NOTCH4: variants seen among roughly 807,000 people sequenced by gnomAD.
NOTCH4 encodes neurogenic locus notch homolog protein 4.
A neutral mutation model predicts 189.0 loss-of-function variants in NOTCH4; 138 were observed. That is an observed-to-expected ratio of 0.73 (90% CI 0.64 to 0.84). The LOEUF (loss-of-function observed/expected upper bound fraction) is 0.84, where lower values mean the gene tolerates loss of function less well. NOTCH4 is among the 40% of genes least tolerant of loss of function. The probability of loss-of-function intolerance (pLI) is 0.00; values close to 1 mark genes in which losing one functional copy is unlikely to be tolerated. For synonymous variants in NOTCH4, 942 were observed against 1,032.8 expected, an observed-to-expected ratio of 0.91 and a Z score of 1.69; for missense variants, 2,286 against 2,605.4, an observed-to-expected ratio of 0.88 and a Z score of 2.67.
Position 32,217,103 on chromosome 6 carries a change from A to G in NOTCH4, c.1739-36T>C, listed in dbSNP as rs1270475499. On this transcript the variant is annotated intron_variant, in intron 10 of 29. Transcript: ENST00000375023. The surrounding 1 kb of genome is among the most constrained non-coding windows in gnomAD (Gnocchi z 4.2). ...GCAGGAAGGTCAGGGACCTGCACGG[A>G]TGTCTGCCTCCTGCTCCCGCTGTCC... is the stretch of plus-strand genomic sequence containing the variant. 1 of 1,612,988 alleles carries G rather than the reference A, an allele frequency of 6.2e-7. No homozygotes were observed. The highest frequency in any genetic ancestry group is 8.5e-7 in the Non-Finnish European group (1 of 1,179,980).
At chr6:32,207,076 C>T (rs184082626) in intron 18 of NOTCH4, among the ~76,000 whole-genome samples, 4 of 151,596 alleles carry the variant, frequency 2.6e-5, no homozygotes, top group East Asian at 2.0e-4. Context: ...ATTACAGGTG[C>T]GCACCACCAT....
chr6:32,210,932 T>C lies in NOTCH4; in HGVS notation c.2685A>G (p.Ile895Met), dbSNP rs1390885892. The C allele has an allele frequency of 6.3e-7, 1 of 1,588,304 alleles. No individual in the cohort carries two copies. The highest frequency in any genetic ancestry group is 1.4e-5 in the African/African-American group (1 of 73,952). Residue 895 changes from isoleucine (I) to methionine (M), a missense_variant, in exon 18 of 30, where the codon ATA (isoleucine) becomes ATG (methionine). Ile to Met is a conservative substitution (Grantham distance 10). Transcript: ENST00000375023. This position sits in a 1 kb window ranked among gnomAD's most constrained non-coding sequence, Gnocchi z 4.8. ...CATTGTGGCAAAGGGAAGAGACGTC[T>C]ATGCCTGGGGAGAGAGACAAACAGG... ...SCQKAALSQG[I>M]DVSSLCHNGG... is the part of the protein sequence containing the mutation.
In NOTCH4 at chr6:32,215,236, G is replaced by A. The variant is rs1789323640; in HGVS notation, c.2011C>T (p.His671Tyr). Residue 671 changes from histidine (H) to tyrosine (Y), a missense_variant, in exon 12 of 30, where the codon CAC (histidine) becomes TAC (tyrosine). Physicochemically the swap from His to Tyr is moderately conservative, Grantham distance 83. Transcript: ENST00000375023. ...TCTGGAAGATGTTACCTCTGGCAGTGCCCGTGGTGGCAGGTGCAGTTGTCC... is the reference window on the plus strand; with the variant it reads ...TCTGGAAGATGTTACCTCTGGCAGTACCCGTGGTGGCAGGTGCAGTTGTCC... ...PEDNCTCHHG[H>Y]CQRSSCVCDV... The A allele has an allele frequency of 6.2e-7, 1 of 1,600,688 alleles. No individual in the cohort carries two copies. Among genetic ancestry groups the A allele is most frequent in the Non-Finnish European group, 8.5e-7 (1 of 1,175,016 alleles).
chr6:32,203,382 A>G lies in NOTCH4; in HGVS notation c.3231+388T>C, dbSNP rs6902694. On this transcript the variant is annotated intron_variant, in intron 20 of 29. Transcript: ENST00000375023. ...TAGAATAATAAAATAAAAGAAGACC[A>G]GGCATAAACCAATGTCAGTGTATCA... is the stretch of plus-strand genomic sequence containing the variant. 66 of 198,552 alleles carry G rather than the reference A, an allele frequency of 3.3e-4. 1 individual carries two copies. The highest frequency in any genetic ancestry group is 1.1e-3 in the African/African-American group (49 of 43,242). 12.3% of individuals were successfully genotyped at this position (198,552 alleles called of 1,614,324 possible).
At chr6:32,203,634 C>G (rs1788490135) in intron 20 of NOTCH4, 136 bp downstream of exon 20, 6 of 651,918 alleles carry the variant, frequency 9.2e-6, no homozygotes, top group Admixed American at 3.4e-5. Context: ...ACACTTCCCA[C>G]TGTGAGCTTG....
intron 1 of NOTCH4, 141 bp downstream of exon 1, chr6:32,223,715 A>T (rs1789942949): frequency 2.3e-6 from 2 of 865,736 alleles, no homozygotes; most frequent in South Asian, 1.8e-5. Context: ...CTTTCCCTGG[A>T]GGCCGTCTCT....
chr6:32,213,300 G>A, intron 14 of NOTCH4, 48 bp from the exon 15 acceptor site: 1 of 1,316,816 alleles, frequency 7.6e-7, no homozygotes, highest in Non-Finnish European at 1.1e-6. Flanking sequence ...CTGTAACCTG[G>A]CCTGTGACCT....
Position 32,201,009 on chromosome 6 carries a change from G to A in NOTCH4, c.4140-3C>T. The stretch of plus-strand genomic sequence containing the variant: ...CCACACCCATGACCACCACAAACCT[G>A]TAGAGGAGGCACCTCAGAGACCTCT... On this transcript the variant is annotated splice_polypyrimidine_tract_variant and splice_region_variant and intron_variant, in intron 22 of 29. Coordinates refer to ENST00000375023, the MANE Select transcript of NOTCH4 (RefSeq NM_004557.4). This position sits in a 1 kb window ranked among gnomAD's most constrained non-coding sequence, Gnocchi z 5.5. The A allele has an allele frequency of 1.3e-6, 2 of 1,558,508 alleles. No individual in the cohort carries two copies. Among genetic ancestry groups the A allele is most frequent in the Middle Eastern group, 1.7e-4 (1 of 5,776 alleles).
At chr6:32,209,102 A>C (rs1788862003) in intron 18 of NOTCH4, among the ~76,000 whole-genome samples, 1 of 152,274 alleles carries the variant, frequency 6.6e-6, no homozygotes, top group Non-Finnish European at 1.5e-5. Context: ...ATTTTCAGCA[A>C]CATGGATGAA....
Position 32,215,355 on chromosome 6 carries a change from G to A in NOTCH4, c.1892C>T (p.Pro631Leu). 1.2e-6 allele frequency: 2 copies of A among 1,610,980 alleles called. No individual in the cohort carries two copies. The highest frequency in any genetic ancestry group is 1.7e-6 in the Non-Finnish European group (2 of 1,179,346). Residue 631 changes from proline to leucine, a missense_variant, in exon 12 of 30, where the codon CCC (proline) becomes CTC (leucine). Coordinates refer to ENST00000375023, the MANE Select transcript of NOTCH4 (RefSeq NM_004557.4). ...GQLCEVPLCA[P>L]NLCQPKQICK... ...TATCTGCTTGGGCTGGCACAGGTTG[G>A]GAGCACACAGGGGAACCTCACAGAG...
Position 32,212,194 on chromosome 6 carries a change from C to T in NOTCH4, c.2680+280G>A, listed in dbSNP as rs562278168. Among the ~76,000 whole-genome samples, 27 of 152,246 alleles carry T rather than the reference C, an allele frequency of 1.8e-4. No homozygotes were observed. Among genetic ancestry groups the T allele is most frequent in the African/African-American group, 5.1e-4 (21 of 41,526 alleles). ...ATCAGGACAGAGTTGAGTTGCTCCA[C>T]GTTGAGTCATGTCCCTCATGGTTGG... On this transcript the variant is annotated intron_variant, in intron 17 of 29. Transcript: ENST00000375023. The surrounding 1 kb of genome is among the most constrained non-coding windows in gnomAD (Gnocchi z 4.4).
At position 32,218,032 on chromosome 6, in the gene NOTCH4, A is replaced by C; in HGVS notation, c.1587T>G (p.His529Gln). 2 of 1,614,072 alleles carry C rather than the reference A, an allele frequency of 1.2e-6. No individual in the cohort carries two copies. Among genetic ancestry groups the C allele is most frequent in the Non-Finnish European group, 1.7e-6 (2 of 1,179,970 alleles). The change falls in exon 9 of 30, where the codon CAT becomes CAG. Residue 529 changes from histidine to glutamine, a missense_variant. This residue lies in a region of NOTCH4 where 1,903 missense variants were observed against 2,261.9 expected (regional missense o/e 0.84). Coordinates refer to ENST00000375023, the MANE Select transcript of NOTCH4 (RefSeq NM_004557.4). ...TGCACTGGAAGCCGTTGAGCAGGTC[A>C]TGGCAATCCGCGTGGTTCAGGCAGG... ...SAPCLNHADCHDLLNGFQCIC... is the reference protein window; with the variant it reads ...SAPCLNHADCQDLLNGFQCIC...
Position 32,210,964 on chromosome 6 carries a change from C to A in NOTCH4, c.2681-28G>T. On this transcript the variant is annotated intron_variant, in intron 17 of 29. Transcript: ENST00000375023. The surrounding 1 kb of genome is among the most constrained non-coding windows in gnomAD (Gnocchi z 4.8). ...GGGGAGAGAGACAAACAGGGATATA[C>A]AAAGATAAGTGGGGGGCCGGGCGCC... is the stretch of plus-strand genomic sequence containing the variant. 6.5e-7 allele frequency: 1 copy of A among 1,545,906 alleles called. No homozygotes were observed. The highest frequency in any genetic ancestry group is 8.7e-7 in the Non-Finnish European group (1 of 1,148,494).
Position 32,215,376 on chromosome 6 carries a change from C to G in NOTCH4, c.1871G>C (p.Cys624Ser). ...LCPSGFTGQL[C>S]EVPLCAPNLC... ...GTTGGGAGCACACAGGGGAACCTCA[C>G]AGAGCTGGCCTGGGGTGGGAAGATG... is the stretch of plus-strand genomic sequence containing the variant. The change falls in exon 12 of 30, where the codon TGT (cysteine) becomes TCT (serine). Residue 624 changes from cysteine (C) to serine (S), a missense_variant. Physicochemically the swap from Cys to Ser is moderately radical, Grantham distance 112 (BLOSUM62 -1). This residue lies in a region of NOTCH4 where 1,903 missense variants were observed against 2,261.9 expected (regional missense o/e 0.84). Transcript: ENST00000375023. 6.2e-7 allele frequency: 1 copy of G among 1,608,974 alleles called. No homozygotes were observed. Among genetic ancestry groups the G allele is most frequent in the Non-Finnish European group, 8.5e-7 (1 of 1,178,630 alleles).
At chr6:32,218,435 A>G (rs1040268191) in intron 8 of NOTCH4, among the ~76,000 whole-genome samples, 4 of 152,204 alleles carry the variant, frequency 2.6e-5, no homozygotes, top group African/African-American at 9.6e-5. Context: ...TCAAGGTACA[A>G]ATAGGAACAA....
At position 32,200,699 on chromosome 6, in the gene NOTCH4, A is replaced by AG. The variant is rs1236203103; in HGVS notation, c.4315+131dup. Reference sequence around the variant, plus strand: ...AGATTCAGTTAGAGAAAGCGGGGTTAGGGAAAGTAAGTCCCCACAAAGAAC... The same window carrying AG: ...AGATTCAGTTAGAGAAAGCGGGGTTAGGGGAAAGTAAGTCCCCACAAAGAAC... On this transcript the variant is annotated intron_variant, in intron 23 of 29. Transcript: ENST00000375023. The surrounding 1 kb of genome is among the most constrained non-coding windows in gnomAD (Gnocchi z 5.0). 5.7e-6 allele frequency: 4 copies of AG among 707,672 alleles called. No homozygotes were observed. The Admixed American group carries it at 1.4e-4, about 24-fold the overall frequency. The allele number at this position is 707,672 out of a possible 1,614,324, so 43.8% of individuals were successfully genotyped here.
rs1422062518 is a variant in NOTCH4, at chr6:32,217,801, A to T, written c.1624+194T>A. Among the ~76,000 whole-genome samples the T allele has an allele frequency of 6.6e-6, 1 of 152,172 alleles. No individual in the cohort carries two copies. Among genetic ancestry groups the T allele is most frequent in the Non-Finnish European group, 1.5e-5 (1 of 68,024 alleles). ...CTTTGGGTGATTTGGTAGGACAGAG[A>T]TGAGAATGGGCAAGTAAGCAAGGGA... On this transcript the variant is annotated intron_variant, in intron 9 of 29. Coordinates refer to ENST00000375023, the MANE Select transcript of NOTCH4 (RefSeq NM_004557.4). The surrounding 1 kb of genome is among the most constrained non-coding windows in gnomAD (Gnocchi z 4.2).
chr6:32,217,016 G>T lies in NOTCH4; in HGVS notation c.1790C>A (p.Pro597Gln), dbSNP rs764974160. ...AAGGCAGCTGGCTCCAACGGGACAT[G>T]GGTCACTCAGGCACTCATCCACCTC... ...QTEVDECLSD[P>Q]CPVGASCLDL... is the part of the protein sequence containing the mutation. The change falls in exon 11 of 30, where the codon CCA (proline) becomes CAA (glutamine). Residue 597 changes from proline to glutamine, a missense_variant. By Grantham distance (76) the Pro-to-Gln change is moderately conservative. Transcript: ENST00000375023. The surrounding 1 kb of genome is among the most constrained non-coding windows in gnomAD (Gnocchi z 4.2). 3 of 1,613,110 alleles carry T rather than the reference G, an allele frequency of 1.9e-6. No individual in the cohort carries two copies. In the East Asian group the frequency reaches 6.7e-5, roughly 36 times the overall value.
chr6:32,220,323 T>A, intron 6 of NOTCH4, 39 bp from the exon 7 acceptor site: 1 of 1,609,056 alleles, frequency 6.2e-7, no homozygotes, highest in Non-Finnish European at 8.5e-7. Flanking sequence ...CAAAGGCCAC[T>A]TGAAGCTCCT....
Sources: allele counts gnomAD v4.1 joint callset (sites outside exome capture counted in the v4.1 genomes callset), GRCh38; gene constraint gnomAD v4.1.1; regional missense constraint gnomAD v4.1.1; non-coding constraint Gnocchi (gnomAD v3.1); transcripts MANE v1.5; gene names NCBI Gene and HGNC (gene_info 2026-07-23, HGNC 2026-07-21).